MGA: variants seen among roughly 807,000 people sequenced by gnomAD.
MGA encodes MAX dimerization protein MGA.
MGA carries 40 observed loss-of-function variants against 261.1 expected under a neutral mutation model. That is an observed-to-expected ratio of 0.15 (90% CI 0.12 to 0.20). The LOEUF (loss-of-function observed/expected upper bound fraction) is 0.20. MGA is among the 10% of genes least tolerant of loss of function. The probability of loss-of-function intolerance (pLI) is 1.00; values close to 1 mark genes in which losing one functional copy is unlikely to be tolerated. For missense variants in MGA, 3,397 were observed against 3,630.5 expected, an observed-to-expected ratio of 0.94 and a Z score of 1.65; for synonymous variants, 1,302 against 1,290.6, an observed-to-expected ratio of 1.01 and a Z score of -0.19.
At chr15:41,658,060 A>G (rs1308801331), upstream of MGA, among the ~76,000 whole-genome samples, 2 of 152,206 alleles carry the variant, frequency 1.3e-5, no homozygotes, top group Non-Finnish European at 2.9e-5. Flanking sequence ...TGTAAATGAG[A>G]TAGTGCCTAT....
At chr15:41,739,936 T>A in intron 13 of MGA, 1 of 1,612,474 alleles carries the variant, frequency 6.2e-7, no homozygotes, top group Non-Finnish European at 8.5e-7. Context: ...GCAGGCTAAG[T>A]TGCTATTGGG....
intron 5 of MGA, among the ~76,000 whole-genome samples, chr15:41,700,491 C>T (rs1453543493): frequency 6.6e-6 from 1 of 152,114 alleles, no homozygotes; most frequent in African/African-American, 2.4e-5. Flanking sequence ...TGAAAACATG[C>T]AGTGTTTGGT....
intron 2 of MGA, among the ~76,000 whole-genome samples, chr15:41,673,105 C>G (rs1271351170): frequency 3.9e-5 from 6 of 152,032 alleles, no homozygotes; most frequent in African/African-American, 1.4e-4. Context: ...TTGATTTTTT[C>G]CCTTCTTTCA....
intron 16 of MGA, 30 bp from the exon 17 acceptor site, chr15:41,749,081 T>G (rs779951313): frequency 6.3e-7 from 1 of 1,584,656 alleles, no homozygotes; most frequent in East Asian, 2.2e-5. Flanking sequence ...AGTCATGATT[T>G]AAAAATTTCT....
chr15:41,679,813 T>G (rs1383212247), intron 2 of MGA, among the ~76,000 whole-genome samples: 1 of 152,156 alleles, frequency 6.6e-6, no homozygotes, highest in Non-Finnish European at 1.5e-5. Flanking sequence ...TTAAAAGAGA[T>G]ATCTTTACAA....
At chr15:41,630,901 G>A (rs1342056317) in intron 1 of MGA, among the ~76,000 whole-genome samples, 1 of 152,174 alleles carries the variant, frequency 6.6e-6, no homozygotes, top group Admixed American at 6.5e-5. Flanking sequence ...GGTGTGAATT[G>A]TAGGTGTGAA....
rs536357579 is a variant in MGA, at chr15:41,736,804, C to CAT, written c.4434+106_4434+107insAT. The CAT allele has an allele frequency of 9.8e-5, 124 of 1,263,778 alleles. 2 individuals carry two copies. In the South Asian group the frequency reaches 2.0e-3, roughly 20 times the overall value. 78.3% of individuals were successfully genotyped at this position (1,263,778 alleles called of 1,614,324 possible). On this transcript the variant is annotated intron_variant, in intron 13 of 23. Coordinates refer to ENST00000219905, the MANE Select transcript of MGA (RefSeq NM_001164273.2). ...CCTGATATCCTTTATCTTGACATTT[C>CAT]CTGGGAACTGGGTGACAAAATTATT...
chr15:41,639,447 C>A (rs544490751), intron 1 of MGA, among the ~76,000 whole-genome samples: 1 of 151,888 alleles, frequency 6.6e-6, no homozygotes, highest in Non-Finnish European at 1.5e-5. Context: ...ATGGTTAATT[C>A]ATAGAACCTT....
intron 13 of MGA, among the ~76,000 whole-genome samples, chr15:41,738,344 G>A (rs544245793): frequency 2.6e-5 from 4 of 152,276 alleles, no homozygotes; most frequent in East Asian, 1.9e-4. Context: ...GCAGTGAGCC[G>A]AGATCACGCC....
Position 41,749,990 on chromosome 15 carries a change from G to C in MGA, c.6383G>C (p.Ser2128Thr). 6.2e-7 allele frequency: 1 copy of C among 1,612,256 alleles called. No individual in the cohort carries two copies. Among genetic ancestry groups the C allele is most frequent in the Non-Finnish European group, 8.5e-7 (1 of 1,179,436 alleles). ...TTTGACAATCCAGAAGAAAACTCAA[G>C]TGAATTTCCAGTCACCTTTAAGGAA... The change falls in exon 17 of 24, where the codon AGT (serine) becomes ACT (threonine). Residue 2128 changes from serine to threonine, a missense_variant. Physicochemically the swap from Ser to Thr is moderately conservative, Grantham distance 58. Coordinates refer to ENST00000219905, the MANE Select transcript of MGA (RefSeq NM_001164273.2).
intron 1 of MGA, among the ~76,000 whole-genome samples, chr15:41,626,133 A>T (rs554238729): frequency 1.2e-4 from 19 of 152,326 alleles, no homozygotes; most frequent in East Asian, 3.9e-4. Context: ...TTTTAGACAT[A>T]CACTGGGGGA....
At position 41,750,604 on chromosome 15, in the gene MGA, G is replaced by C; in HGVS notation, c.6997G>C (p.Asp2333His). The C allele has an allele frequency of 6.2e-7, 1 of 1,605,432 alleles. No homozygotes were observed. The highest frequency in any genetic ancestry group is 8.5e-7 in the Non-Finnish European group (1 of 1,176,218). Reference sequence around the variant, plus strand: ...TGACTACCAGAGTGAGGAGGTTGATGATGTAGAAAAGGTGGTGAGCCCATT... The same window carrying C: ...TGACTACCAGAGTGAGGAGGTTGATCATGTAGAAAAGGTGGTGAGCCCATT... Residue 2333 changes from aspartate (D) to histidine (H), a missense_variant, in exon 17 of 24, where the codon GAT becomes CAT. Asp to His is a moderately conservative substitution (Grantham distance 81). Around this residue, in one of 9 missense-constraint regions of MGA, gnomAD observed 1,410 missense variants for 1,386.4 expected, o/e 1.02. Transcript: ENST00000219905.
intron 1 of MGA, among the ~76,000 whole-genome samples, chr15:41,662,764 A>G (rs1170874013): frequency 1.3e-5 from 2 of 152,198 alleles, no homozygotes; most frequent in East Asian, 3.8e-4. Flanking sequence ...TTCTCTTGAA[A>G]TTTGAGTTTC....
chr15:41,751,340 A>G (rs2062820129), intron 17 of MGA: 1 of 152,172 alleles, frequency 6.6e-6, no homozygotes, highest in Non-Finnish European at 1.5e-5. Flanking sequence ...GATAGTAAAT[A>G]GTTTTAGACT....
intron 9 of MGA, among the ~76,000 whole-genome samples, chr15:41,714,804 G>A (rs964792523): frequency 3.2e-4 from 48 of 152,154 alleles, no homozygotes; most frequent in African/African-American, 1.1e-3. Context: ...TTAGTTTTCT[G>A]TTCTAACACT....
At chr15:41,746,174 T>C (rs1431481616) in intron 15 of MGA, among the ~76,000 whole-genome samples, 1 of 152,142 alleles carries the variant, frequency 6.6e-6, no homozygotes, top group East Asian at 1.9e-4. Flanking sequence ...TTTGAATCAC[T>C]CTCTAAAAGT....
At chr15:41,702,689 A>T (rs1023473859) in intron 5 of MGA, among the ~76,000 whole-genome samples, 1 of 152,170 alleles carries the variant, frequency 6.6e-6, no homozygotes, top group African/African-American at 2.4e-5. Flanking sequence ...ATAAAATAAG[A>T]TTCTTAATTT....
chr15:41,749,834 G>A lies in MGA; in HGVS notation c.6227G>A (p.Ser2076Asn). ...GAATATGGGGCTAGGAATCGTAAGA[G>A]TTCCAAAGAAAAAGTGGCTGTTCTG... Residue 2076 changes from serine to asparagine, a missense_variant, in exon 17 of 24, where the codon AGT becomes AAT. Transcript: ENST00000219905. 10 of 1,613,920 alleles carry A rather than the reference G, an allele frequency of 6.2e-6. No individual in the cohort carries two copies. Among genetic ancestry groups the A allele is most frequent in the Non-Finnish European group, 8.5e-6 (10 of 1,179,880 alleles).
chr15:41,742,762 C>G lies in MGA; in HGVS notation c.4802C>G (p.Thr1601Ser), dbSNP rs1595936733. Residue 1601 changes from threonine (T) to serine (S), a missense_variant, in exon 15 of 24, where the codon ACC (threonine) becomes AGC (serine). Physicochemically the swap from Thr to Ser is moderately conservative, Grantham distance 58. This residue lies in a region of MGA where 1,410 missense variants were observed against 1,386.4 expected (regional missense o/e 1.02). Transcript: ENST00000219905. ...GTGACTGCTGCTGTCACTACTACCA[C>G]CCCTCAAGTGTTTTTAGAAAATACT... 3 of 1,613,974 alleles carry G rather than the reference C, an allele frequency of 1.9e-6. No homozygotes were observed. The highest frequency in any genetic ancestry group is 3.3e-5 in the Admixed American group (2 of 60,022).
Sources: gnomAD v4.1 joint callset for allele counts (sites outside exome capture counted in the v4.1 genomes callset) on GRCh38, gnomAD v4.1.1 for gene constraint, gnomAD v4.1.1 regional missense constraint, MANE v1.5 for transcripts, NCBI Gene and HGNC (gene_info 2026-07-23, HGNC 2026-07-21) for gene names.